Variants in JAZF1 observed in about 807,000 individuals in gnomAD.
The protein encoded by JAZF1 is juxtaposed with another zinc finger protein 1.
A neutral mutation model predicts 26.4 loss-of-function variants in JAZF1; 8 were observed. The observed-to-expected ratio is 0.30, with a 90% CI of 0.18 to 0.55. JAZF1 has a LOEUF of 0.55. Ranked by LOEUF, JAZF1 falls within the 20% of genes least tolerant of loss-of-function variation. The probability of loss-of-function intolerance (pLI) is 0.94; values close to 1 mark genes in which losing one functional copy is unlikely to be tolerated. For synonymous variants in JAZF1, 126 were observed against 122.3 expected, an observed-to-expected ratio of 1.03 and a Z score of -0.20; for missense variants, 199 against 322.0, an observed-to-expected ratio of 0.62 and a Z score of 2.92.
At chr7:28,129,588 C>T (rs930175960) in intron 1 of JAZF1, among the ~76,000 whole-genome samples, 1 of 152,084 alleles carries the variant, frequency 6.6e-6, no homozygotes, top group African/African-American at 2.4e-5. Flanking sequence ...CAAAGCAATG[C>T]TATACCAAAA....
chr7:28,000,300 A>T (rs1464698017), intron 1 of JAZF1, among the ~76,000 whole-genome samples: 2 of 152,192 alleles, frequency 1.3e-5, no homozygotes, highest in African/African-American at 4.8e-5. Flanking sequence ...GGGTTCCAGT[A>T]TAGTATCTAG....
intron 1 of JAZF1, among the ~76,000 whole-genome samples, chr7:28,002,027 G>C (rs17156135): frequency 0.032 from 4,830 of 152,188 alleles, 97 homozygotes; most frequent in South Asian, 0.082. Flanking sequence ...GAACTCAAAG[G>C]GGAGATAAAA....
chr7:28,073,974 T>A (rs534496973), intron 1 of JAZF1, among the ~76,000 whole-genome samples: 1 of 130,554 alleles, frequency 7.7e-6, no homozygotes, highest in South Asian at 2.4e-4. Flanking sequence ...AAAAGTTTAC[T>A]TAGTTAAAAA....
chr7:28,027,730 G>A (rs1024858147), intron 1 of JAZF1, among the ~76,000 whole-genome samples: 2 of 152,136 alleles, frequency 1.3e-5, no homozygotes, highest in African/African-American at 4.8e-5. Flanking sequence ...TATTATCTCA[G>A]TTAATCCTCA....
At chr7:27,924,634 T>C (rs79976851) in intron 2 of JAZF1, among the ~76,000 whole-genome samples, 25 of 152,340 alleles carry the variant, frequency 1.6e-4, no homozygotes, top group Non-Finnish European at 3.4e-4. Context: ...TTTTTTAAAA[T>C]GATTATTTAG....
chr7:28,139,514 T>A (rs956868836), intron 1 of JAZF1, among the ~76,000 whole-genome samples: 1 of 152,322 alleles, frequency 6.6e-6, no homozygotes, highest in East Asian at 1.9e-4. Flanking sequence ...GAACTTCCTA[T>A]GAAGACTGGA....
At chr7:27,978,531 CAGAAAA>C (rs1487275414) in intron 2 of JAZF1, among the ~76,000 whole-genome samples, 2 of 152,080 alleles carry the variant, frequency 1.3e-5, no homozygotes, top group Non-Finnish European at 2.9e-5. Context: ...CCTTTTGTAT[CAGAAAA>C]AGAACAAAAA....
intron 1 of JAZF1, among the ~76,000 whole-genome samples, chr7:28,105,283 G>GT (rs1179461880): frequency 6.6e-6 from 1 of 152,180 alleles, no homozygotes; most frequent in African/African-American, 2.4e-5. Flanking sequence ...ACTCTTCTCT[G>GT]TAAGTTCAAA....
chr7:27,982,313 T>TGGCTCAGAGGGTCCCACACCC (rs1554279678), intron 2 of JAZF1, among the ~76,000 whole-genome samples: 1 of 151,742 alleles, frequency 6.6e-6, no homozygotes, highest in African/African-American at 2.4e-5. Context: ...ATCCCGCGCA[T>TGGCTCAGAGGGTCCCACACCC]GGCTCAGAGG....
At chr7:27,846,932 G>T (rs1189331544) in intron 3 of JAZF1, among the ~76,000 whole-genome samples, 1 of 151,924 alleles carries the variant, frequency 6.6e-6, no homozygotes, top group Admixed American at 6.6e-5. Flanking sequence ...TTCCTTTGCT[G>T]TGCAGAAGCT....
At chr7:28,179,685 G>C (rs1477398641) in intron 1 of JAZF1, among the ~76,000 whole-genome samples, 1 of 148,286 alleles carries the variant, frequency 6.7e-6, no homozygotes, top group Non-Finnish European at 1.5e-5. Flanking sequence ...GTCCGCGCCA[G>C]GCCGGGGCAG....
At chr7:28,149,988 A>C (rs112947947) in intron 1 of JAZF1, among the ~76,000 whole-genome samples, 4 of 152,192 alleles carry the variant, frequency 2.6e-5, no homozygotes, top group Admixed American at 2.6e-4. Context: ...ACCTTCCTCT[A>C]TTCCCTTGCC....
chr7:28,054,297 C>T (rs1419624905), intron 1 of JAZF1, among the ~76,000 whole-genome samples: 1 of 152,178 alleles, frequency 6.6e-6, no homozygotes, highest in South Asian at 2.1e-4. Flanking sequence ...TGAAGAGATA[C>T]AACTTAAAAA....
intron 1 of JAZF1, among the ~76,000 whole-genome samples, chr7:28,130,630 C>T (rs1009787265): frequency 4.6e-5 from 7 of 152,262 alleles, no homozygotes; most frequent in South Asian, 2.1e-4. Context: ...AAAACATGGA[C>T]GCTACTAAAC....
At chr7:27,866,123 G>A (rs1783468725) in intron 3 of JAZF1, among the ~76,000 whole-genome samples, 1 of 152,212 alleles carries the variant, frequency 6.6e-6, no homozygotes, top group Admixed American at 6.5e-5. Flanking sequence ...AGCACTGCCG[G>A]CACTGAAAGG....
intron 2 of JAZF1, 98 bp from the exon 3 acceptor site, chr7:27,895,514 G>C (rs1299444308): frequency 6.1e-6 from 5 of 819,916 alleles, no homozygotes; most frequent in Non-Finnish European, 7.1e-6. Context: ...CCCTGGAAAA[G>C]GACCTTGGCC....
chr7:27,937,748 T>C (rs1029037536), intron 2 of JAZF1, among the ~76,000 whole-genome samples: 9 of 152,186 alleles, frequency 5.9e-5, no homozygotes, highest in African/African-American at 1.9e-4. Flanking sequence ...CCTGAGTCAA[T>C]AGAACTATCC....
intron 1 of JAZF1, among the ~76,000 whole-genome samples, chr7:28,057,608 C>G (rs1783733212): frequency 6.6e-6 from 1 of 152,118 alleles, no homozygotes; most frequent in Non-Finnish European, 1.5e-5. Context: ...ATCTTCATGA[C>G]CCATCACCCA....
At chr7:28,002,331 GA>G (rs1251423971) in intron 1 of JAZF1, among the ~76,000 whole-genome samples, 2 of 152,234 alleles carry the variant, frequency 1.3e-5, no homozygotes, top group East Asian at 1.9e-4. Context: ...AGACGGGGGG[GA>G]AAAAAGAATA....
Sources: allele counts gnomAD v4.1 joint callset (sites outside exome capture counted in the v4.1 genomes callset), GRCh38; gene constraint gnomAD v4.1.1; transcripts MANE v1.5; gene names NCBI Gene and HGNC (gene_info 2026-07-23, HGNC 2026-07-21).